The following CDH18 variants were observed in gnomAD, a reference collection of about 807,000 sequenced individuals.
CDH18 encodes cadherin 18.
CDH18 carries 31 observed loss-of-function variants against 67.9 expected under a neutral mutation model. The observed-to-expected ratio is 0.46, with a 90% CI of 0.34 to 0.62. The LOEUF is 0.62. Ranked by LOEUF, CDH18 falls within the 20% of genes least tolerant of loss-of-function variation. The pLI is 0.01. For synonymous variants in CDH18, 362 were observed against 347.2 expected (o/e 1.04, Z -0.48); for missense variants, 890 against 975.5 (o/e 0.91, Z 1.17).
At chr5:20,385,691 A>C (rs1466084169) in intron 1 of CDH18, among the ~76,000 whole-genome samples, 1 of 152,202 alleles carries the variant, frequency 6.6e-6, no homozygotes, top group Non-Finnish European at 1.5e-5. Context: ...GGAGAAAAGA[A>C]TGCTTTTTGA....
At chr5:19,968,254 T>C (rs1392476547) in intron 2 of CDH18, among the ~76,000 whole-genome samples, 3 of 151,550 alleles carry the variant, frequency 2.0e-5, no homozygotes, top group African/African-American at 7.3e-5. Context: ...ATCGTGAAAA[T>C]GGCCATACTG....
chr5:20,189,116 T>C (rs920887135), intron 2 of CDH18, among the ~76,000 whole-genome samples: 4 of 152,082 alleles, frequency 2.6e-5, no homozygotes, highest in African/African-American at 4.8e-5. Context: ...TAAAGAGCTA[T>C]GGAAGAATAT....
intron 1 of CDH18, among the ~76,000 whole-genome samples, chr5:20,462,866 C>T (rs1751369049): frequency 6.6e-6 from 1 of 152,108 alleles, no homozygotes; most frequent in African/African-American, 2.4e-5. Flanking sequence ...GTCAATTGTT[C>T]TTAGGACTAT....
intron 11 of CDH18, among the ~76,000 whole-genome samples, chr5:19,484,503 C>A (rs1740032047): frequency 6.6e-6 from 1 of 152,188 alleles, no homozygotes; most frequent in Non-Finnish European, 1.5e-5. Flanking sequence ...TAGCTGAAAA[C>A]CCACATGGTC....
intron 2 of CDH18, among the ~76,000 whole-genome samples, chr5:20,226,307 C>A (rs1270753992): frequency 6.6e-6 from 1 of 152,044 alleles, no homozygotes; most frequent in African/African-American, 2.4e-5. Flanking sequence ...TTAGCTGTCA[C>A]TGTCATGAAA....
chr5:20,229,006 T>A (rs1741856969), intron 2 of CDH18, among the ~76,000 whole-genome samples: 1 of 152,088 alleles, frequency 6.6e-6, no homozygotes, highest in Non-Finnish European at 1.5e-5. Flanking sequence ...GTTTCAGGTG[T>A]AGACTGATAC....
chr5:19,601,298 A>G (rs1747085970), intron 6 of CDH18, among the ~76,000 whole-genome samples: 1 of 152,184 alleles, frequency 6.6e-6, no homozygotes, highest in Non-Finnish European at 1.5e-5. Flanking sequence ...ATTTTACAGA[A>G]ATAAAAGGAT....
intron 2 of CDH18, among the ~76,000 whole-genome samples, chr5:19,901,920 A>C (rs1374911177): frequency 6.6e-6 from 1 of 152,020 alleles, no homozygotes; most frequent in African/African-American, 2.4e-5. Context: ...TAATAGAAAT[A>C]ATACTAAGTT....
Position 19,593,722 on chromosome 5 carries a change from T to C in CDH18, c.812-2478A>G, listed in dbSNP as rs1358031715. Among the ~76,000 whole-genome samples, 29 of 107,510 alleles carry C rather than the reference T, an allele frequency of 2.7e-4. 1 individual carries two copies. Among genetic ancestry groups the C allele is most frequent in the African/African-American group, 3.8e-4 (8 of 20,814 alleles). The allele number at this position is 107,510 out of a possible 152,430, so 70.5% of individuals were successfully genotyped here. A position where few individuals can be genotyped will look rare whatever the true frequency, so the allele number is the denominator to read the frequency against. On this transcript the variant is annotated intron_variant, in intron 6 of 12. Coordinates refer to ENST00000382275, the MANE Select transcript of CDH18 (RefSeq NM_004934.5). Reference sequence around the variant, plus strand: ...TCCTCCTCCTCCTTCTTCTTCTTCTTCTTCTTCTTCTTCTTCTTCTTCTTC... The same window carrying C: ...TCCTCCTCCTCCTTCTTCTTCTTCTCCTTCTTCTTCTTCTTCTTCTTCTTC...
intron 2 of CDH18, among the ~76,000 whole-genome samples, chr5:20,218,166 G>T (rs1226438304): frequency 6.6e-6 from 1 of 151,786 alleles, no homozygotes; most frequent in East Asian, 1.9e-4. Flanking sequence ...AGGCCCAACA[G>T]ACCTAATAAA....
At chr5:20,282,461 A>G (rs550995723) in intron 1 of CDH18, among the ~76,000 whole-genome samples, 2 of 151,974 alleles carry the variant, frequency 1.3e-5, no homozygotes, top group African/African-American at 4.8e-5. Flanking sequence ...TTCTGCATCT[A>G]CTGAGATAAT....
intron 2 of CDH18, among the ~76,000 whole-genome samples, chr5:20,122,321 T>C (rs1748426205): frequency 6.6e-6 from 1 of 152,206 alleles, no homozygotes; most frequent in Non-Finnish European, 1.5e-5. Context: ...TGCTGTTTTC[T>C]CTATGTTTTT....
chr5:19,961,322 T>C (rs891426926), intron 2 of CDH18, among the ~76,000 whole-genome samples: 1 of 151,916 alleles, frequency 6.6e-6, no homozygotes, highest in African/African-American at 2.4e-5. Context: ...TTGGCCAGAC[T>C]GGTCTCAAAC....
At chr5:20,564,381 A>C (rs1414743651) in intron 1 of CDH18, among the ~76,000 whole-genome samples, 1 of 151,696 alleles carries the variant, frequency 6.6e-6, no homozygotes, top group African/African-American at 2.4e-5. Flanking sequence ...AGGTTCAAGC[A>C]ATTCTCCTGC....
intron 2 of CDH18, among the ~76,000 whole-genome samples, chr5:19,974,843 G>T (rs1435377014): frequency 6.6e-6 from 1 of 152,098 alleles, no homozygotes; most frequent in African/African-American, 2.4e-5. Context: ...GGGGGTGTGG[G>T]TGCTGGCCTG....
chr5:19,896,894 C>A (rs1226987004), intron 2 of CDH18, among the ~76,000 whole-genome samples: 1 of 152,066 alleles, frequency 6.6e-6, no homozygotes, highest in African/African-American at 2.4e-5. Context: ...CATGGGATTT[C>A]TCTGTGTTAC....
chr5:20,442,558 A>T (rs889769353), intron 1 of CDH18, among the ~76,000 whole-genome samples: 1 of 151,876 alleles, frequency 6.6e-6, no homozygotes, highest in African/African-American at 2.4e-5. Context: ...GTAGAAAGGC[A>T]AGTTATGTCA....
At chr5:20,066,949 C>T (rs921308332) in intron 2 of CDH18, among the ~76,000 whole-genome samples, 3 of 151,686 alleles carry the variant, frequency 2.0e-5, no homozygotes, top group Non-Finnish European at 4.4e-5. Context: ...ATACATCCAG[C>T]CCTCCATATC....
chr5:19,602,232 C>A (rs1747258110), intron 6 of CDH18, among the ~76,000 whole-genome samples: 1 of 152,132 alleles, frequency 6.6e-6, no homozygotes, highest in Non-Finnish European at 1.5e-5. Context: ...CACACCCCCA[C>A]ATACAAACAC....
Sources: allele counts gnomAD v4.1 joint callset (sites outside exome capture counted in the v4.1 genomes callset), GRCh38; gene constraint gnomAD v4.1.1; transcripts MANE v1.5; gene names NCBI Gene and HGNC (gene_info 2026-07-23, HGNC 2026-07-21).